The following TAFA5 variants were observed in gnomAD, a reference collection of about 807,000 sequenced individuals.
TAFA5 encodes the protein chemokine-like protein TAFA-5.
TAFA5 carries 6 observed loss-of-function variants against 15.3 expected under a neutral mutation model. The ratio of observed to expected loss-of-function variants is 0.39; its 90% CI spans 0.21 to 0.77. The LOEUF is 0.77. Among genes scored for constraint, TAFA5 ranks in the 30% least tolerant of loss-of-function variants. The pLI is 0.41. For synonymous variants in TAFA5, 103 were observed against 80.7 expected, an observed-to-expected ratio of 1.28 and a Z score of -1.48; for missense variants, 161 against 193.1, an observed-to-expected ratio of 0.83 and a Z score of 0.98.
chr22:48,628,961 C>T (rs1332454571), intron 1 of TAFA5, among the ~76,000 whole-genome samples: 1 of 152,082 alleles, frequency 6.6e-6, no homozygotes, highest in Non-Finnish European at 1.5e-5. Flanking sequence ...CAGAGCCGGG[C>T]GCCGTTTCCC....
At chr22:48,670,839 A>T (rs1927780846) in intron 2 of TAFA5, among the ~76,000 whole-genome samples, 2 of 152,186 alleles carry the variant, frequency 1.3e-5, no homozygotes, top group South Asian at 4.2e-4. Context: ...AGGCAGCTTT[A>T]TGGGCCTCTG....
chr22:48,551,021 C>T (rs1474647264), intron 1 of TAFA5, among the ~76,000 whole-genome samples: 1 of 152,018 alleles, frequency 6.6e-6, no homozygotes, highest in African/African-American at 2.4e-5. Flanking sequence ...GTGGTGTCCC[C>T]TCTCCCCCAG....
chr22:48,574,147 G>A (rs946989632), intron 1 of TAFA5, among the ~76,000 whole-genome samples: 1 of 152,228 alleles, frequency 6.6e-6, no homozygotes, highest in Non-Finnish European at 1.5e-5. Flanking sequence ...TTTTGAAGGG[G>A]ATTGCCTGAG....
At chr22:48,547,196 G>A (rs899743206) in intron 1 of TAFA5, 4 of 152,452 alleles carry the variant, frequency 2.6e-5, no homozygotes, top group Admixed American at 1.3e-4. Flanking sequence ...CCACTTACGG[G>A]AAGATGCGGC....
intron 2 of TAFA5, among the ~76,000 whole-genome samples, chr22:48,656,461 G>A (rs1221796723): frequency 6.0e-5 from 9 of 151,242 alleles, no homozygotes; most frequent in African/African-American, 1.7e-4. Flanking sequence ...AGCCGAGATC[G>A]CGTCACTGAA....
intron 1 of TAFA5, among the ~76,000 whole-genome samples, chr22:48,593,517 G>A (rs941452777): frequency 6.6e-6 from 1 of 152,274 alleles, no homozygotes; most frequent in Non-Finnish European, 1.5e-5. Flanking sequence ...GGGTGGCTGG[G>A]GTCGGGGATT....
chr22:48,646,472 G>A, intron 1 of TAFA5, 125 bp from the exon 2 acceptor site: 1 of 1,215,900 alleles, frequency 8.2e-7, no homozygotes, highest in Non-Finnish European at 1.1e-6. Flanking sequence ...CCCTCTGAGT[G>A]AAGCGGTCTC....
chr22:48,595,114 C>T (rs1924716393), intron 1 of TAFA5, among the ~76,000 whole-genome samples: 1 of 152,146 alleles, frequency 6.6e-6, no homozygotes, highest in African/African-American at 2.4e-5. Context: ...GAATTAGGCC[C>T]CTGAGTGTGG....
intron 1 of TAFA5, among the ~76,000 whole-genome samples, chr22:48,614,078 G>A (rs752888456): frequency 6.6e-6 from 1 of 152,180 alleles, no homozygotes; most frequent in Non-Finnish European, 1.5e-5. Flanking sequence ...CTGACCTCCC[G>A]GCCGACGGGT....
At chr22:48,705,068 C>T (rs2097447624) in intron 2 of TAFA5, among the ~76,000 whole-genome samples, 1 of 152,162 alleles carries the variant, frequency 6.6e-6, no homozygotes, top group African/African-American at 2.4e-5. Context: ...CAGGGCCCCA[C>T]ACTCATGGCC....
At chr22:48,700,171 C>G (rs58760612) in intron 2 of TAFA5, among the ~76,000 whole-genome samples, 93,411 of 151,524 alleles carry the variant, frequency 0.62, 29,545 homozygotes, top group African/African-American at 0.76. Context: ...TCCCGAAACC[C>G]TTCTTTCATC....
chr22:48,553,929 G>C (rs1333302229), intron 1 of TAFA5, among the ~76,000 whole-genome samples: 5 of 152,238 alleles, frequency 3.3e-5, no homozygotes, highest in African/African-American at 1.2e-4. Flanking sequence ...TCCTGGCCAA[G>C]CGTGGACACT....
intron 1 of TAFA5, among the ~76,000 whole-genome samples, chr22:48,564,241 C>T (rs908027339): frequency 1.3e-5 from 2 of 152,246 alleles, no homozygotes; most frequent in Admixed American, 6.5e-5. Context: ...TGGCAGGAAG[C>T]TTGTGGCGGA....
At chr22:48,712,651 T>A (rs1196951774) in intron 3 of TAFA5, among the ~76,000 whole-genome samples, 6 of 152,228 alleles carry the variant, frequency 3.9e-5, no homozygotes, top group Non-Finnish European at 8.8e-5. Flanking sequence ...CTGCTGGCTC[T>A]ACCTTGTGGA....
chr22:48,524,943 G>A (rs1921728980), intron 1 of TAFA5, among the ~76,000 whole-genome samples: 1 of 152,116 alleles, frequency 6.6e-6, no homozygotes. Context: ...TGAGCCAGGT[G>A]TATGTGCCTG....
Position 48,652,172 on chromosome 22 carries a change from A to G in TAFA5, c.262+5426A>G, listed in dbSNP as rs1601644640. 2.6e-5 allele frequency among the ~76,000 whole-genome samples: 4 copies of G among 152,336 alleles called. No individual in the cohort carries two copies. The South Asian group carries it at 8.3e-4, about 32-fold the overall frequency. On this transcript the variant is annotated intron_variant, in intron 2 of 3. Transcript: ENST00000402357. ...CAGCTGAAGGCATGTTGTGGCTGGG[A>G]CTAGGGTGACGGGAATTTTCCACCA...
At chr22:48,710,669 G>A (rs1397605440) in intron 3 of TAFA5, among the ~76,000 whole-genome samples, 2 of 152,346 alleles carry the variant, frequency 1.3e-5, no homozygotes, top group East Asian at 3.9e-4. Flanking sequence ...GGGAGGCAGT[G>A]AGCCCCCCTT....
intron 1 of TAFA5, among the ~76,000 whole-genome samples, chr22:48,627,221 CT>C (rs1263539725): frequency 3.3e-5 from 5 of 152,252 alleles, no homozygotes; most frequent in African/African-American, 1.2e-4. Context: ...TCAGTCTTTT[CT>C]GTACCATCCT....
chr22:48,534,312 C>A (rs988108889), intron 1 of TAFA5, among the ~76,000 whole-genome samples: 1 of 150,796 alleles, frequency 6.6e-6, no homozygotes, highest in African/African-American at 2.4e-5. Flanking sequence ...GGGAGTCAGG[C>A]AGATGAGGGC....
Sources: gnomAD v4.1 joint callset for allele counts (sites outside exome capture counted in the v4.1 genomes callset) on GRCh38, gnomAD v4.1.1 for gene constraint, MANE v1.5 for transcripts, NCBI Gene and HGNC (gene_info 2026-07-23, HGNC 2026-07-21) for gene names.